Variants in ANXA13 observed in about 807,000 individuals in gnomAD.
ANXA13 encodes annexin XIII.
A neutral mutation model predicts 46.6 loss-of-function variants in ANXA13; 36 were observed. The ratio of observed to expected loss-of-function variants is 0.77; its 90% CI spans 0.59 to 1.02. The LOEUF (loss-of-function observed/expected upper bound fraction) is 1.02, where lower values mean the gene tolerates loss of function less well. Ranked by LOEUF, ANXA13 falls within the 50% of genes least tolerant of loss-of-function variation. The pLI is 0.00. For synonymous variants in ANXA13, 163 were observed against 152.9 expected, an observed-to-expected ratio of 1.07 and a Z score of -0.49; for missense variants, 417 against 396.5, an observed-to-expected ratio of 1.05 and a Z score of -0.44.
At chr8:123,736,847 C>CTTTTTTT (rs34405438) in intron 1 of ANXA13, among the ~76,000 whole-genome samples, 2 of 113,454 alleles carry the variant, frequency 1.8e-5, no homozygotes, top group African/African-American at 3.4e-5. Flanking sequence ...ATCCCCAGTG[C>CTTTTTTT]TTTTTTTTTT....
rs117497345 is a variant in ANXA13 at position 123,726,703 on chromosome 8, G to A, written c.15+10617C>T. On this transcript the variant is annotated intron_variant, in intron 1 of 10. Transcript: ENST00000419625. ...TTTGATCCAGCAATCTCACTACTGG[G>A]TATCTACCTAGAGGAAAAGGAGTCA... is the stretch of plus-strand genomic sequence containing the variant. Among the ~76,000 whole-genome samples the A allele has an allele frequency of 6.1e-3, 936 of 152,308 alleles. 9 individuals are homozygous for A. Among genetic ancestry groups the A allele is most frequent in the African/African-American group, 0.02 (829 of 41,566 alleles).
chr8:123,735,813 G>T, intron 1 of ANXA13: 1 of 1,612,736 alleles, frequency 6.2e-7, no homozygotes, highest in Non-Finnish European at 8.5e-7. Flanking sequence ...CTGCACGACT[G>T]TCGAGGGTTG....
rs554928218 is a variant in ANXA13 at position 123,681,157 on chromosome 8, G to A, written c.*83C>T. ...CCGGGACTCTTAAGGGTTTTCGTGC[G>A]GGAGTCTCATTTGCAAGTTTGATTT... On this transcript the variant is annotated 3_prime_UTR_variant, in exon 11 of 11. Coordinates refer to ENST00000419625, the MANE Select transcript of ANXA13 (RefSeq NM_004306.4). The A allele has an allele frequency of 4.1e-5, 62 of 1,496,594 alleles. No individual in the cohort carries two copies. In the South Asian group the frequency reaches 7.2e-4, roughly 17 times the overall value. The allele number at this position is 1,496,594 out of a possible 1,614,324, so 92.7% of individuals were successfully genotyped here.
At chr8:123,712,090 T>G (rs1343318933) in intron 2 of ANXA13, 1 of 155,010 alleles carries the variant, frequency 6.5e-6, no homozygotes, top group Non-Finnish European at 1.4e-5. Context: ...CCACATGTTG[T>G]GGGAGGGACT....
chr8:123,702,062 T>G (rs904101835), intron 3 of ANXA13, among the ~76,000 whole-genome samples: 1 of 152,226 alleles, frequency 6.6e-6, no homozygotes, highest in Non-Finnish European at 1.5e-5. Flanking sequence ...TGATATTCAT[T>G]TTGCATAATG....
At chr8:123,693,125 C>T (rs1813269898) in intron 8 of ANXA13, 72 bp downstream of exon 8, 1 of 1,367,116 alleles carries the variant, frequency 7.3e-7, no homozygotes, top group Non-Finnish European at 1.0e-6. Context: ...TATTGCAGAT[C>T]TTGGCTTCTT....
rs888978504 is a variant in ANXA13 at position 123,733,211 on chromosome 8, T to TAAAC, written c.15+4108_15+4109insGTTT. On this transcript the variant is annotated intron_variant, in intron 1 of 10. Coordinates refer to ENST00000419625, the MANE Select transcript of ANXA13 (RefSeq NM_004306.4). ...CTTATTTATTTAAGATGATCTTAAATAAATAAATAAATAAGGATCTTATTT... is the reference window on the plus strand; with the variant it reads ...CTTATTTATTTAAGATGATCTTAAATAAACAAATAAATAAATAAGGATCTTATTT... 2.8e-4 allele frequency among the ~76,000 whole-genome samples: 42 copies of TAAAC among 149,752 alleles called. No individual in the cohort carries two copies. The East Asian group carries it at 7.7e-3, about 28-fold the overall frequency.
intron 3 of ANXA13, among the ~76,000 whole-genome samples, chr8:123,699,232 T>G (rs1036247013): frequency 7.2e-5 from 11 of 152,186 alleles, no homozygotes; most frequent in Admixed American, 5.9e-4. Flanking sequence ...CAGGCTGGAG[T>G]GCAGTGGTGC....
intron 1 of ANXA13, among the ~76,000 whole-genome samples, chr8:123,712,984 G>A (rs1352812134): frequency 6.6e-6 from 1 of 152,140 alleles, no homozygotes; most frequent in Non-Finnish European, 1.5e-5. Flanking sequence ...GGGCCCCTCT[G>A]TTCTCAAGGA....
chr8:123,696,041 ACT>A (rs962349483), intron 4 of ANXA13, among the ~76,000 whole-genome samples: 1 of 151,342 alleles, frequency 6.6e-6, no homozygotes, highest in African/African-American at 2.4e-5. Context: ...GCCTGGTCTC[ACT>A]CTCTCTTCCC....
At chr8:123,721,838 G>A (rs1032794137) in intron 1 of ANXA13, among the ~76,000 whole-genome samples, 2 of 152,054 alleles carry the variant, frequency 1.3e-5, no homozygotes, top group African/African-American at 4.8e-5. Context: ...CAACCCTATG[G>A]GGTAGGTATT....
chr8:123,694,786 A>G (rs918433627), intron 6 of ANXA13, among the ~76,000 whole-genome samples: 2 of 152,168 alleles, frequency 1.3e-5, no homozygotes, highest in African/African-American at 4.8e-5. Context: ...TGATAGATCT[A>G]TGTTGTTCTG....
chr8:123,712,426 C>T, intron 2 of ANXA13: 1 of 529,036 alleles, frequency 1.9e-6, no homozygotes, highest in Non-Finnish European at 3.4e-6. Context: ...CATGAAGTTT[C>T]TCTCACCTCA....
At chr8:123,715,186 C>A (rs1303076213) in intron 1 of ANXA13, among the ~76,000 whole-genome samples, 1 of 152,188 alleles carries the variant, frequency 6.6e-6, no homozygotes, top group African/African-American at 2.4e-5. Flanking sequence ...GTGCAGGGCT[C>A]CTTCCTCAAA....
intron 1 of ANXA13, among the ~76,000 whole-genome samples, chr8:123,731,284 T>G (rs1291617437): frequency 6.6e-6 from 1 of 152,206 alleles, no homozygotes; most frequent in Non-Finnish European, 1.5e-5. Context: ...CTCTCAACTT[T>G]GGATACATTA....
chr8:123,713,351 T>C (rs1813698604), intron 1 of ANXA13, among the ~76,000 whole-genome samples: 1 of 152,250 alleles, frequency 6.6e-6, no homozygotes, highest in South Asian at 2.1e-4. Context: ...CTTCAGTCAT[T>C]GGCACAATAC....
intron 2 of ANXA13, among the ~76,000 whole-genome samples, chr8:123,708,722 T>C (rs768971494): frequency 1.3e-5 from 2 of 152,224 alleles, no homozygotes; most frequent in Non-Finnish European, 2.9e-5. Flanking sequence ...AGTCTATTCC[T>C]GCACAGCTCT....
chr8:123,685,031 T>G (rs868151735), intron 9 of ANXA13, among the ~76,000 whole-genome samples: 3 of 152,208 alleles, frequency 2.0e-5, no homozygotes, highest in Admixed American at 6.5e-5. Context: ...ACTTTCCCTA[T>G]CGAGTGAAAT....
At chr8:123,681,588 G>C (rs372393588) in intron 10 of ANXA13, among the ~76,000 whole-genome samples, 3 of 148,350 alleles carry the variant, frequency 2.0e-5, no homozygotes, top group Non-Finnish European at 3.0e-5. Flanking sequence ...GTGTCCACGT[G>C]TGTGTGTGTT....
Sources: allele counts gnomAD v4.1 joint callset (sites outside exome capture counted in the v4.1 genomes callset), GRCh38; gene constraint gnomAD v4.1.1; transcripts MANE v1.5; gene names NCBI Gene and HGNC (gene_info 2026-07-23, HGNC 2026-07-21).